The following CEP57L1 variants were observed in gnomAD, a reference collection of about 807,000 sequenced individuals.
CEP57L1 encodes the protein centrosomal protein CEP57L1.
A neutral mutation model predicts 61.0 loss-of-function variants in CEP57L1; 37 were observed. The observed-to-expected ratio is 0.61, with a 90% CI of 0.47 to 0.80. The LOEUF is 0.80. CEP57L1 is among the 30% of genes least tolerant of loss of function. The probability of loss-of-function intolerance (pLI) is 0.00; values close to 1 mark genes in which losing one functional copy is unlikely to be tolerated. For synonymous variants in CEP57L1, 137 were observed against 162.3 expected (o/e 0.84, Z 1.19); for missense variants, 422 against 524.7 (o/e 0.80, Z 1.91).
chr6:109,130,150 A>G (rs975431196), intron 1 of CEP57L1, among the ~76,000 whole-genome samples: 1 of 152,106 alleles, frequency 6.6e-6, no homozygotes, highest in Admixed American at 6.6e-5. Context: ...CCTACTACGC[A>G]TTGTTATGCA....
Position 109,171,323 on chromosome 6 carries a change from C to T in CEP57L1, c.*8353C>T, listed in dbSNP as rs1275649724. 6.6e-6 allele frequency among the ~76,000 whole-genome samples: 1 copy of T among 151,662 alleles called. No individual in the cohort carries two copies. Among genetic ancestry groups the T allele is most frequent in the Non-Finnish European group, 1.5e-5 (1 of 67,960 alleles). On this transcript the variant is annotated 3_prime_UTR_variant, in exon 11 of 11. Transcript: ENST00000517392. ...GCGCGATCTCAGCTCACTGCAACCT[C>T]CGCCTCCCAGGTTCAAGCGATTCTT...
rs1774478978 is a variant in CEP57L1 at position 109,173,156 on chromosome 6, AACCATGTAT to A, written c.*10192_*10200del. Among the ~76,000 whole-genome samples the A allele has an allele frequency of 6.6e-6, 1 of 152,164 alleles. No individual in the cohort carries two copies. Among genetic ancestry groups the A allele is most frequent in the Non-Finnish European group, 1.5e-5 (1 of 68,026 alleles). ...AAAGGGATACTTTTGTGTAATATTT[AACCATGTAT>A]ACCATTGTTTGTGTACTTTTTAATT... On this transcript the variant is annotated 3_prime_UTR_variant, in exon 11 of 11. Coordinates refer to ENST00000517392, the MANE Select transcript of CEP57L1 (RefSeq NM_001271852.3).
At chr6:109,147,001 A>G (rs1482304026) in intron 3 of CEP57L1, 64 bp downstream of exon 3, 1 of 1,342,520 alleles carries the variant, frequency 7.4e-7, no homozygotes, top group African/African-American at 1.5e-5. Flanking sequence ...AAAATAATAA[A>G]CCTAGTCTAA....
intron 1 of CEP57L1, among the ~76,000 whole-genome samples, chr6:109,131,027 A>T (rs1452383340): frequency 2.6e-5 from 4 of 152,156 alleles, no homozygotes; most frequent in Non-Finnish European, 4.4e-5. Flanking sequence ...ATCAGCCTTT[A>T]TTGTGATGGT....
chr6:109,149,763 C>T (rs913153685), intron 3 of CEP57L1, among the ~76,000 whole-genome samples: 10 of 152,044 alleles, frequency 6.6e-5, no homozygotes, highest in Non-Finnish European at 1.5e-4. Flanking sequence ...ATGGAATGTT[C>T]TTCCATTTGT....
At chr6:109,106,827 C>G (rs1770994477) in intron 1 of CEP57L1, among the ~76,000 whole-genome samples, 1 of 152,126 alleles carries the variant, frequency 6.6e-6, no homozygotes, top group Non-Finnish European at 1.5e-5. Flanking sequence ...GTAATCCCAG[C>G]TACTCAGGAG....
chr6:109,159,599 G>A (rs1328809866), intron 9 of CEP57L1, 137 bp downstream of exon 9: 14 of 693,228 alleles, frequency 2.0e-5, no homozygotes, highest in Middle Eastern at 2.6e-4. Context: ...ATGAGCCACC[G>A]TGCCTGGCCA....
At chr6:109,114,498 A>G (rs1254992914) in intron 1 of CEP57L1, among the ~76,000 whole-genome samples, 1 of 143,502 alleles carries the variant, frequency 7.0e-6, no homozygotes. Context: ...TTTAGCCTTT[A>G]AAAAAAAAAA....
chr6:109,114,045 A>AT (rs562253393), intron 1 of CEP57L1, among the ~76,000 whole-genome samples: 142 of 147,882 alleles, frequency 9.6e-4, no homozygotes, highest in East Asian at 8.4e-3. Context: ...TTCTGTACTT[A>AT]TTTTTTTTTT....
intron 1 of CEP57L1, among the ~76,000 whole-genome samples, chr6:109,116,564 T>C (rs1772338103): frequency 6.6e-6 from 1 of 152,184 alleles, no homozygotes; most frequent in Non-Finnish European, 1.5e-5. Context: ...ACAGTTTCAA[T>C]CTTTTTCTAG....
chr6:109,161,180 G>A (rs1350206216), intron 10 of CEP57L1, among the ~76,000 whole-genome samples: 1 of 152,170 alleles, frequency 6.6e-6, no homozygotes, highest in East Asian at 1.9e-4. Context: ...GCTGTTTTAT[G>A]TTCCATTCCC....
intron 1 of CEP57L1, among the ~76,000 whole-genome samples, chr6:109,122,883 T>C (rs950609705): frequency 2.6e-5 from 4 of 152,214 alleles, no homozygotes; most frequent in African/African-American, 4.8e-5. Flanking sequence ...CTTACTCTTA[T>C]TGTAGACACA....
rs989457436 is a variant in CEP57L1, at chr6:109,173,473, G to A, written c.*10503G>A. The stretch of plus-strand genomic sequence containing the variant: ...GGGTCTTGTTCTGTCACCCAGGCTG[G>A]AGTGGAGTGAATGCAATCAAAGCTC... On this transcript the variant is annotated 3_prime_UTR_variant, in exon 11 of 11. Transcript: ENST00000517392. 6.8e-6 allele frequency among the ~76,000 whole-genome samples: 1 copy of A among 146,902 alleles called. No individual in the cohort carries two copies. The highest frequency in any genetic ancestry group is 2.5e-5 in the African/African-American group (1 of 39,678).
rs180916465 is a variant in CEP57L1 at position 109,136,617 on chromosome 6, A to C, written c.-3-8602A>C. Among the ~76,000 whole-genome samples, 408 of 151,212 alleles carry C rather than the reference A, an allele frequency of 2.7e-3. 1 individual carries two copies. The highest frequency in any genetic ancestry group is 9.5e-3 in the African/African-American group (392 of 41,376). On this transcript the variant is annotated intron_variant, in intron 1 of 10. Coordinates refer to ENST00000517392, the MANE Select transcript of CEP57L1 (RefSeq NM_001271852.3). ...CTTTATTTTGCAAATGCGGAATTTG[A>C]GGCACAGAGAAGTTAAACATTTGAT...
intron 1 of CEP57L1, among the ~76,000 whole-genome samples, chr6:109,142,383 T>G (rs968130438): frequency 1.3e-5 from 2 of 152,164 alleles, no homozygotes; most frequent in East Asian, 3.9e-4. Flanking sequence ...ACACTGCATG[T>G]TCTCACTCAT....
Position 109,169,226 on chromosome 6 carries a change from C to CAAAAAAAAAAA in CEP57L1, c.*6267_*6277dup, listed in dbSNP as rs202070350. Reference sequence around the variant, plus strand: ...GAGCAGCAGAGTGAGGCTCCATCAGCAAAAAAAAAAAAAAAAAAAAAGATC... The same window carrying CAAAAAAAAAAA: ...GAGCAGCAGAGTGAGGCTCCATCAGCAAAAAAAAAAAAAAAAAAAAAAAAAAAAAAAAGATC... On this transcript the variant is annotated 3_prime_UTR_variant, in exon 11 of 11. Transcript: ENST00000517392. 1.3e-4 allele frequency among the ~76,000 whole-genome samples: 9 copies of CAAAAAAAAAAA among 67,542 alleles called. No individual in the cohort carries two copies. Among genetic ancestry groups the CAAAAAAAAAAA allele is most frequent in the South Asian group, 6.2e-4 (1 of 1,620 alleles). 44.3% of individuals were successfully genotyped at this position (67,542 alleles called of 152,430 possible).
At chr6:109,143,389 G>A (rs1204742462) in intron 1 of CEP57L1, among the ~76,000 whole-genome samples, 1 of 152,128 alleles carries the variant, frequency 6.6e-6, no homozygotes. Context: ...GTAGGCTTAT[G>A]CACTTGTTTA....
In CEP57L1 at chr6:109,162,853, C is replaced by T. The variant is rs1773842125; in HGVS notation, c.1266C>T (p.Ser422=). ...YPKGSKNIKN[S]PRKCLTDTNL... ...AAGGATCAAAGAACATAAAAAATAG[C>T]CCCAGAAAATGTTTGACTGACACTA... The change falls in exon 11 of 11, where the codon AGC becomes AGT. Residue 422 remains serine (S), a synonymous_variant. Transcript: ENST00000517392. The T allele has an allele frequency of 6.2e-7, 1 of 1,612,752 alleles. No homozygotes were observed. Among genetic ancestry groups the T allele is most frequent in the South Asian group, 1.1e-5 (1 of 91,052 alleles).
chr6:109,172,202 TTCTC>T lies in CEP57L1; in HGVS notation c.*9235_*9238del, dbSNP rs1774436649. On this transcript the variant is annotated 3_prime_UTR_variant, in exon 11 of 11. Coordinates refer to ENST00000517392, the MANE Select transcript of CEP57L1 (RefSeq NM_001271852.3). ...AATTCTCTCAGCAGACAGACCATAA[TTCTC>T]TCAGCAACAATGTGTGACAACATTC... Among the ~76,000 whole-genome samples, 1 of 139,340 alleles carries T rather than the reference TTCTC, an allele frequency of 7.2e-6. No homozygotes were observed. The highest frequency in any genetic ancestry group is 1.6e-5 in the Non-Finnish European group (1 of 63,274). The allele number at this position is 139,340 out of a possible 152,430, so 91.4% of individuals were successfully genotyped here.
Sources: gnomAD v4.1 joint callset for allele counts (sites outside exome capture counted in the v4.1 genomes callset) on GRCh38, gnomAD v4.1.1 for gene constraint, MANE v1.5 for transcripts, NCBI Gene and HGNC (gene_info 2026-07-23, HGNC 2026-07-21) for gene names.